WDR20: variants seen among roughly 807,000 people sequenced by gnomAD.
WDR20 encodes the protein WD repeat-containing protein 20.
A neutral mutation model predicts 38.7 loss-of-function variants in WDR20; 3 were observed. The ratio of observed to expected loss-of-function variants is 0.08; its 90% confidence interval spans 0.04 to 0.20. The LOEUF (loss-of-function observed/expected upper bound fraction) is 0.20. WDR20 is among the 10% of genes least tolerant of loss of function. The pLI is 1.00. For missense variants in WDR20, 559 were observed against 727.7 expected, an observed-to-expected ratio of 0.77 and a Z score of 2.67; for synonymous variants, 298 against 285.6, an observed-to-expected ratio of 1.04 and a Z score of -0.44.
intron 1 of WDR20, among the ~76,000 whole-genome samples, chr14:102,145,590 G>A (rs1370173479): frequency 1.3e-5 from 2 of 152,080 alleles, no homozygotes; most frequent in Non-Finnish European, 2.9e-5. Flanking sequence ...TTCGAGACCA[G>A]CCTGGACAAC....
downstream of WDR20, among the ~76,000 whole-genome samples, chr14:102,211,394 C>A (rs775725618): frequency 6.6e-6 from 1 of 151,816 alleles, no homozygotes; most frequent in African/African-American, 2.4e-5. The surrounding 1 kb of genome is among the most constrained non-coding windows in gnomAD (Gnocchi z 4.2). Context: ...CCAGGAAAGC[C>A]GGGCCAGGTT....
At chr14:102,150,970 G>A (rs919281418) in intron 1 of WDR20, among the ~76,000 whole-genome samples, 2 of 152,162 alleles carry the variant, frequency 1.3e-5, no homozygotes, top group African/African-American at 2.4e-5. Flanking sequence ...AGATAAATAA[G>A]ACATAGTCCC....
downstream of WDR20, chr14:102,213,484 G>T (rs1357372049): frequency 1.0e-6 from 1 of 985,300 alleles, no homozygotes; most frequent in African/African-American, 1.7e-5. Context: ...TAAAAATGGA[G>T]GCATGGAAAA....
chr14:102,173,427 T>A (rs1328757105), intron 1 of WDR20, among the ~76,000 whole-genome samples: 1 of 143,814 alleles, frequency 7.0e-6, no homozygotes, highest in African/African-American at 2.6e-5. Context: ...TTTTTTCTTT[T>A]TTTAAAATTA....
intron 2 of WDR20, among the ~76,000 whole-genome samples, chr14:102,200,456 A>AGT (rs1460888139): frequency 1.3e-5 from 1 of 76,668 alleles, no homozygotes; most frequent in Non-Finnish European, 2.9e-5. Context: ...TTACTTTTTA[A>AGT]ATTTTTTTTT....
At chr14:102,171,889 G>GT (rs766377802) in intron 1 of WDR20, among the ~76,000 whole-genome samples, 2 of 145,834 alleles carry the variant, frequency 1.4e-5, no homozygotes, top group East Asian at 2.0e-4. Flanking sequence ...TTTTATTTTT[G>GT]TTTTTTTGTT....
intron 1 of WDR20, among the ~76,000 whole-genome samples, chr14:102,161,707 G>A (rs564319374): frequency 6.6e-6 from 1 of 152,226 alleles, no homozygotes; most frequent in East Asian, 1.9e-4. Flanking sequence ...CCGTTTTGCT[G>A]AGATTCCATT....
intron 1 of WDR20, among the ~76,000 whole-genome samples, chr14:102,186,953 A>G (rs1235276188): frequency 2.9e-5 from 2 of 69,536 alleles, no homozygotes; most frequent in African/African-American, 2.4e-4. Flanking sequence ...CTGTCTCAGG[A>G]AAAAAAAAAA....
chr14:102,197,675 T>G, intron 2 of WDR20: 2 of 619,126 alleles, frequency 3.2e-6, no homozygotes, highest in Non-Finnish European at 5.9e-6. Context: ...GTGAAGCAAT[T>G]TGGAACTGAC....
intron 1 of WDR20, among the ~76,000 whole-genome samples, chr14:102,175,326 T>C: frequency 6.6e-6 from 1 of 152,314 alleles, no homozygotes; most frequent in East Asian, 1.9e-4. Context: ...CCACTTTATG[T>C]TTTTGTTTGC....
downstream of WDR20, chr14:102,224,665 A>G (rs988746338): frequency 1.3e-5 from 6 of 455,942 alleles, no homozygotes; most frequent in African/African-American, 1.2e-4. Context: ...AAAACTTCAC[A>G]TCAGCTCAGC....
At position 102,208,866 on chromosome 14, in the gene WDR20, C is replaced by T; in HGVS notation, c.696C>T (p.Gly232=). ...ALNEFAFSPD[G]KFLACVSQDG... ...ACGAGTTTGCTTTCTCCCCAGATGG[C>T]AAGTTCTTAGCGTGCGTGAGCCAGG... Residue 232 remains glycine, a synonymous_variant, in exon 3 of 3, where the codon GGC becomes GGT. Coordinates refer to ENST00000342702, the MANE Select transcript of WDR20 (RefSeq NM_144574.4). The surrounding 1 kb of genome is among the most constrained non-coding windows in gnomAD (Gnocchi z 5.6). The T allele has an allele frequency of 1.9e-6, 3 of 1,614,230 alleles. No homozygotes were observed. The highest frequency in any genetic ancestry group is 2.5e-6 in the Non-Finnish European group (3 of 1,180,036).
chr14:102,221,771 A>G lies in WDR20; in HGVS notation c.1693-1059A>G, dbSNP rs908322578. On this transcript the variant is annotated intron_variant, in intron 3 of 3. Transcript: ENST00000335263. This position sits in a 1 kb window ranked among gnomAD's most constrained non-coding sequence, Gnocchi z 4.8. ...CCGATTGTCACCTTCATTTGTGTCC[A>G]CACAAGTCCAATATGTGAGAAGGTA... is the stretch of plus-strand genomic sequence containing the variant. 9.9e-5 allele frequency among the ~76,000 whole-genome samples: 15 copies of G among 152,146 alleles called. No individual in the cohort carries two copies. The highest frequency in any genetic ancestry group is 3.4e-4 in the African/African-American group (14 of 41,428).
At chr14:102,176,389 C>G (rs1324187189) in intron 1 of WDR20, among the ~76,000 whole-genome samples, 2 of 146,406 alleles carry the variant, frequency 1.4e-5, no homozygotes, top group East Asian at 4.2e-4. Context: ...AGCGAGACTC[C>G]ATCTCAAAAA....
intron 1 of WDR20, among the ~76,000 whole-genome samples, chr14:102,176,540 C>T (rs1330560939): frequency 5.9e-5 from 9 of 152,102 alleles, no homozygotes; most frequent in African/African-American, 1.9e-4. Context: ...CTACTAAAAA[C>T]GCAAAAATTC....
intron 1 of WDR20, among the ~76,000 whole-genome samples, chr14:102,163,882 T>C (rs2059253516): frequency 6.6e-6 from 1 of 152,166 alleles, no homozygotes; most frequent in African/African-American, 2.4e-5. Flanking sequence ...CTGTCTCTAC[T>C]TCTTTCCCAT....
chr14:102,147,784 G>A (rs544411866), intron 1 of WDR20, among the ~76,000 whole-genome samples: 4 of 152,222 alleles, frequency 2.6e-5, no homozygotes, highest in Admixed American at 1.3e-4. Context: ...AGGCTGGAGT[G>A]CAATGGCATG....
In WDR20 at chr14:102,208,966, C is replaced by T; in HGVS notation, c.796C>T (p.Leu266=). Residue 266 remains leucine, a synonymous_variant, in exon 3 of 3, where the codon CTG becomes TTG. Coordinates refer to ENST00000342702, the MANE Select transcript of WDR20 (RefSeq NM_144574.4). This position sits in a 1 kb window ranked among gnomAD's most constrained non-coding sequence, Gnocchi z 5.6. ...GATGAAAAGCTACTTTGGGGGCTTG[C>T]TGTGTGTGTGCTGGAGCCCGGATGG... The part of the protein sequence containing the change: ...GTMKSYFGGL[L]CVCWSPDGKY... 2 of 1,614,142 alleles carry T rather than the reference C, an allele frequency of 1.2e-6. No homozygotes were observed. Among genetic ancestry groups the T allele is most frequent in the South Asian group, 2.2e-5 (2 of 91,082 alleles).
At chr14:102,216,160 C>T (rs962546897), downstream of WDR20, among the ~76,000 whole-genome samples, 1 of 152,174 alleles carries the variant, frequency 6.6e-6, no homozygotes, top group African/African-American at 2.4e-5. Context: ...GTCAGCAGAG[C>T]CTCCAGTGCT....
Sources: allele counts gnomAD v4.1 joint callset (sites outside exome capture counted in the v4.1 genomes callset), GRCh38; gene constraint gnomAD v4.1.1; non-coding constraint Gnocchi (gnomAD v3.1); transcripts MANE v1.5; gene names NCBI Gene and HGNC (gene_info 2026-07-23, HGNC 2026-07-21).